AKAP19: variants seen among roughly 807,000 people sequenced by gnomAD.
The protein encoded by AKAP19 is small A-kinase anchoring protein.
chr2:189,986,368 CA>C, the AKAP19 span, among the ~76,000 whole-genome samples: 124,415 of 142,392 alleles, frequency 0.87, 54,554 homozygotes, highest in East Asian at 0.96. Flanking sequence ...GATGGGGGAG[CA>C]AAAAAAAAAC....
chr2:189,991,417 T>C, the AKAP19 span, among the ~76,000 whole-genome samples: 1 of 152,226 alleles, frequency 6.6e-6, no homozygotes, highest in Non-Finnish European at 1.5e-5. Flanking sequence ...TATCTCATTG[T>C]AGTTTTGATT....
At chr2:190,083,009 G>A in the AKAP19 span, among the ~76,000 whole-genome samples, 1 of 152,242 alleles carries the variant, frequency 6.6e-6, no homozygotes, top group Admixed American at 6.5e-5. Context: ...CATACATTAT[G>A]GAATGGCTAA....
At chr2:189,951,004 G>A in the AKAP19 span, among the ~76,000 whole-genome samples, 8 of 151,972 alleles carry the variant, frequency 5.3e-5, no homozygotes, top group Non-Finnish European at 8.8e-5. Flanking sequence ...GCAGAATATG[G>A]GGAATTTTTC....
chr2:189,899,818 C>A, the AKAP19 span, among the ~76,000 whole-genome samples: 5 of 151,904 alleles, frequency 3.3e-5, no homozygotes, highest in Non-Finnish European at 5.9e-5. Flanking sequence ...TTTTTACCTA[C>A]TATTTAGTTT....
At chr2:189,918,886 G>A in the AKAP19 span, among the ~76,000 whole-genome samples, 5 of 152,130 alleles carry the variant, frequency 3.3e-5, no homozygotes, top group African/African-American at 1.2e-4. Flanking sequence ...TATGTTAAGT[G>A]AAAGAACCCA....
At chr2:190,023,803 A>G in the AKAP19 span, among the ~76,000 whole-genome samples, 24 of 147,902 alleles carry the variant, frequency 1.6e-4, no homozygotes, top group African/African-American at 4.4e-4. Context: ...GTGTATATAT[A>G]TATATATATA....
chr2:190,197,557 G>T, the AKAP19 span, among the ~76,000 whole-genome samples: 2 of 152,090 alleles, frequency 1.3e-5, no homozygotes, highest in African/African-American at 4.8e-5. This position sits in a 1 kb window ranked among gnomAD's most constrained non-coding sequence, Gnocchi z 4.0. Flanking sequence ...AACCTCTGTT[G>T]CATCAGAGTT....
chr2:189,950,490 T>C, the AKAP19 span, among the ~76,000 whole-genome samples: 1 of 152,094 alleles, frequency 6.6e-6, no homozygotes, highest in Non-Finnish European at 1.5e-5. Flanking sequence ...ACCAGGCTTA[T>C]CTTAGTCTTT....
At chr2:189,957,132 G>A in the AKAP19 span, among the ~76,000 whole-genome samples, 10 of 152,176 alleles carry the variant, frequency 6.6e-5, no homozygotes, top group East Asian at 1.9e-4. Flanking sequence ...CCGAGATCGC[G>A]CCACTGCACT....
the AKAP19 span, chr2:190,202,722 G>C: frequency 1.1e-4 from 18 of 167,062 alleles, no homozygotes; most frequent in African/African-American, 4.3e-4. Context: ...GGAACATCCA[G>C]AGTAAGGGCA....
the AKAP19 span, among the ~76,000 whole-genome samples, chr2:190,099,480 A>C: frequency 6.6e-6 from 1 of 152,238 alleles, no homozygotes; most frequent in Non-Finnish European, 1.5e-5. Context: ...AAGGTGCCCC[A>C]AAACAAATAC....
chr2:190,071,642 A>T, the AKAP19 span, among the ~76,000 whole-genome samples: 1 of 152,206 alleles, frequency 6.6e-6, no homozygotes, highest in Non-Finnish European at 1.5e-5. Flanking sequence ...TAAATATGAA[A>T]ATGTGTCAAT....
At chr2:189,889,634 A>C in the AKAP19 span, among the ~76,000 whole-genome samples, 3 of 152,242 alleles carry the variant, frequency 2.0e-5, no homozygotes, top group Admixed American at 6.5e-5. Flanking sequence ...CAGGGATTCA[A>C]CTTCTTCCTG....
At chr2:189,966,203 G>A in the AKAP19 span, among the ~76,000 whole-genome samples, 6 of 149,358 alleles carry the variant, frequency 4.0e-5, no homozygotes, top group East Asian at 1.2e-3. Context: ...GGGTGAGAAG[G>A]GGGTGAGGGA....
chr2:190,111,737 TG>T, the AKAP19 span, among the ~76,000 whole-genome samples: 4 of 152,110 alleles, frequency 2.6e-5, no homozygotes, highest in East Asian at 5.8e-4. Flanking sequence ...ATCCTGGGGT[TG>T]GGGGGGAAAG....
chr2:190,201,339 GAGA>G, the AKAP19 span: 13 of 166,864 alleles, frequency 7.8e-5, no homozygotes, highest in South Asian at 2.1e-4. Flanking sequence ...ATTTGGGAGG[GAGA>G]AGAAGAAATT....
the AKAP19 span, among the ~76,000 whole-genome samples, chr2:189,942,188 A>G: frequency 6.6e-6 from 1 of 152,124 alleles, no homozygotes; most frequent in Admixed American, 6.5e-5. Context: ...ATGGGTGCAG[A>G]TCCCTCATGG....
the AKAP19 span, among the ~76,000 whole-genome samples, chr2:190,155,452 A>G: frequency 6.6e-5 from 10 of 152,326 alleles, no homozygotes; most frequent in South Asian, 8.3e-4. Context: ...TGAAAAAAAG[A>G]AGGGGGCAAA....
chr2:190,131,632 C>A, the AKAP19 span, among the ~76,000 whole-genome samples: 1 of 152,154 alleles, frequency 6.6e-6, no homozygotes. Flanking sequence ...CATTGGAAGT[C>A]CAATTTATAG....
Sources: gnomAD v4.1 joint callset for allele counts (sites outside exome capture counted in the v4.1 genomes callset) on GRCh38, gnomAD v4.1.1 for gene constraint, Gnocchi (gnomAD v3.1) non-coding constraint, MANE v1.5 for transcripts, NCBI Gene and HGNC (gene_info 2026-07-23, HGNC 2026-07-21) for gene names.